Variants in STK39 observed in about 807,000 individuals in gnomAD.
STK39 encodes the protein STE20/SPS1-related proline-alanine-rich protein kinase.
In STK39, 20 loss-of-function variants were observed where a neutral mutation model predicts 77.8. The ratio of observed to expected loss-of-function variants is 0.26; its 90% CI spans 0.18 to 0.37. STK39 has a LOEUF of 0.37. STK39 is among the 10% of genes least tolerant of loss of function. STK39 has a pLI of 1.00. For synonymous variants in STK39, 246 were observed against 234.1 expected, an observed-to-expected ratio of 1.05 and a Z score of -0.47; for missense variants, 479 against 656.5, an observed-to-expected ratio of 0.73 and a Z score of 2.95.
At chr2:168,167,986 A>G (rs1209804007) in intron 2 of STK39, among the ~76,000 whole-genome samples, 1 of 152,254 alleles carries the variant, frequency 6.6e-6, no homozygotes, top group East Asian at 1.9e-4. Context: ...GGCAGGGAAG[A>G]GAGCGGCAGG....
intron 2 of STK39, among the ~76,000 whole-genome samples, chr2:168,180,240 G>T (rs140213358): frequency 6.6e-6 from 1 of 151,992 alleles, no homozygotes. Context: ...CCAGCTACTC[G>T]GGAGGCTAAA....
At chr2:168,174,107 G>A (rs1431529343) in intron 2 of STK39, among the ~76,000 whole-genome samples, 1 of 152,208 alleles carries the variant, frequency 6.6e-6, no homozygotes, top group Non-Finnish European at 1.5e-5. Context: ...TTTGAAGAAA[G>A]AGAAACATTT....
At chr2:168,174,105 A>C (rs1201033220) in intron 2 of STK39, among the ~76,000 whole-genome samples, 2 of 152,234 alleles carry the variant, frequency 1.3e-5, no homozygotes, top group East Asian at 3.8e-4. Flanking sequence ...ATTTTGAAGA[A>C]AGAGAAACAT....
chr2:168,077,720 G>A (rs1686117049), intron 10 of STK39, among the ~76,000 whole-genome samples: 1 of 152,038 alleles, frequency 6.6e-6, no homozygotes, highest in Admixed American at 6.5e-5. Context: ...TTTCATGGTG[G>A]ATTTATGTGA....
chr2:168,109,620 G>C (rs1394163368), intron 10 of STK39, among the ~76,000 whole-genome samples: 4 of 152,332 alleles, frequency 2.6e-5, no homozygotes, highest in African/African-American at 9.6e-5. Context: ...AACTTTTACA[G>C]GAAGGTGCCA....
At chr2:168,031,654 T>C (rs866241112) in intron 14 of STK39, among the ~76,000 whole-genome samples, 1 of 152,182 alleles carries the variant, frequency 6.6e-6, no homozygotes. Context: ...GACACAGACA[T>C]GTGCCCGCAC....
At chr2:168,052,122 A>C (rs1685414663) in intron 14 of STK39, among the ~76,000 whole-genome samples, 1 of 152,158 alleles carries the variant, frequency 6.6e-6, no homozygotes, top group Non-Finnish European at 1.5e-5. Flanking sequence ...AACTGCCAAT[A>C]GACACTGTGC....
chr2:168,230,146 A>G (rs1385580119), intron 1 of STK39, among the ~76,000 whole-genome samples: 5 of 152,198 alleles, frequency 3.3e-5, no homozygotes, highest in South Asian at 2.1e-4. Context: ...CAAAATGGCA[A>G]TAAGAATTCC....
chr2:168,032,867 C>T lies in STK39; in HGVS notation c.1377-15772G>A, dbSNP rs115142420. Among the ~76,000 whole-genome samples the T allele has an allele frequency of 4.2e-3, 637 of 152,306 alleles. 10 individuals carry two copies. The highest frequency in any genetic ancestry group is 0.013 in the African/African-American group (558 of 41,576). On this transcript the variant is annotated intron_variant, in intron 14 of 17. Coordinates refer to ENST00000355999, the MANE Select transcript of STK39 (RefSeq NM_013233.3). ...TATGTCTGAGGCAAAATAAAATAACCATTGATTCTCTGTCAACTTTAATTT... is the reference window on the plus strand; with the variant it reads ...TATGTCTGAGGCAAAATAAAATAACTATTGATTCTCTGTCAACTTTAATTT...
intron 14 of STK39, among the ~76,000 whole-genome samples, chr2:168,017,562 G>T (rs1684447024): frequency 6.6e-6 from 1 of 151,612 alleles, no homozygotes; most frequent in Admixed American, 6.6e-5. Flanking sequence ...AGTAGAGATG[G>T]GGTTTCTCCA....
At chr2:168,092,502 C>T (rs1209811259) in intron 10 of STK39, among the ~76,000 whole-genome samples, 1 of 152,220 alleles carries the variant, frequency 6.6e-6, no homozygotes, top group East Asian at 1.9e-4. Context: ...AAGGGCCAGC[C>T]ACTGATTTTA....
chr2:168,157,098 G>A (rs1383484491), intron 5 of STK39, among the ~76,000 whole-genome samples: 2 of 152,138 alleles, frequency 1.3e-5, no homozygotes, highest in African/African-American at 4.8e-5. Context: ...ACAGAAGCAA[G>A]TTAAGTTTCA....
intron 1 of STK39, among the ~76,000 whole-genome samples, chr2:168,220,938 T>C (rs1019480456): frequency 6.6e-6 from 1 of 152,276 alleles, no homozygotes; most frequent in African/African-American, 2.4e-5. Flanking sequence ...TGGAAATCTT[T>C]GGCTTCGAAT....
In STK39 at chr2:168,163,786, C is replaced by T. The variant is rs1574517557; in HGVS notation, c.525G>A (p.Glu175=). The change falls in exon 4 of 18, where the codon GAG becomes GAA. Residue 175 remains glutamate (E), a synonymous_variant. Transcript: ENST00000355999. The stretch of plus-strand genomic sequence containing the variant: ...GTAGATAGTCTAAGCCTTCCAAAAC[C>T]TCTTTAAGAATTGTTGCTATTATTG... ...EEAIIATILK[E]VLEGLDYLHR... 2.5e-6 allele frequency: 4 copies of T among 1,613,748 alleles called. No individual in the cohort carries two copies. Among genetic ancestry groups the T allele is most frequent in the Non-Finnish European group, 3.4e-6 (4 of 1,179,886 alleles).
intron 14 of STK39, among the ~76,000 whole-genome samples, chr2:168,035,563 G>T (rs753462049): frequency 6.6e-6 from 1 of 152,154 alleles, no homozygotes; most frequent in Non-Finnish European, 1.5e-5. Flanking sequence ...TACACTGATG[G>T]GTGAGTTAAA....
chr2:167,962,263 G>C (rs180775758), intron 17 of STK39, among the ~76,000 whole-genome samples: 71 of 152,284 alleles, frequency 4.7e-4, no homozygotes, highest in African/African-American at 1.6e-3. Flanking sequence ...TTTTATTCCT[G>C]AATAAAATAA....
chr2:168,217,112 T>C (rs1690043951), intron 1 of STK39, among the ~76,000 whole-genome samples: 1 of 152,204 alleles, frequency 6.6e-6, no homozygotes, highest in Non-Finnish European at 1.5e-5. Context: ...AAATCAGTGA[T>C]TACGTGTTTC....
chr2:167,961,625 T>C (rs1283935564), intron 17 of STK39, among the ~76,000 whole-genome samples: 5 of 152,190 alleles, frequency 3.3e-5, no homozygotes. Flanking sequence ...ATAGTTGAGC[T>C]GAAATGCCCT....
At chr2:168,048,815 T>C (rs529602937) in intron 14 of STK39, among the ~76,000 whole-genome samples, 6 of 152,344 alleles carry the variant, frequency 3.9e-5, no homozygotes, top group African/African-American at 1.4e-4. Context: ...CATGTCCAGA[T>C]GGTCATATCA....
Sources: gnomAD v4.1 joint callset for allele counts (sites outside exome capture counted in the v4.1 genomes callset) on GRCh38, gnomAD v4.1.1 for gene constraint, MANE v1.5 for transcripts, NCBI Gene and HGNC (gene_info 2026-07-23, HGNC 2026-07-21) for gene names.